The following BCKDHB variants were observed in gnomAD, a reference collection of about 807,000 sequenced individuals.
The protein encoded by BCKDHB is 2-oxoisovalerate dehydrogenase subunit beta, mitochondrial.
In BCKDHB, 41 loss-of-function variants were observed where a neutral mutation model predicts 48.5. That is an observed-to-expected ratio of 0.85 (90% CI 0.66 to 1.10). BCKDHB has a LOEUF of 1.10. Among genes scored for constraint, BCKDHB ranks in the 50% least tolerant of loss-of-function variants. The pLI is 0.00. For synonymous variants in BCKDHB, 201 were observed against 174.8 expected (o/e 1.15, Z -1.18); for missense variants, 496 against 494.2 (o/e 1.00, Z -0.03).
At chr6:80,279,314 C>T (rs1357477938) in intron 9 of BCKDHB, among the ~76,000 whole-genome samples, 1 of 151,936 alleles carries the variant, frequency 6.6e-6, no homozygotes, top group African/African-American at 2.4e-5. Context: ...CTGCCACGCC[C>T]ATCTAATTTT....
chr6:80,351,728 G>A, the BCKDHB span, among the ~76,000 whole-genome samples: 4 of 140,914 alleles, frequency 2.8e-5, no homozygotes, highest in Non-Finnish European at 6.0e-5. Context: ...CTTCAGCCTC[G>A]ACCTCATGGG....
At chr6:80,262,689 A>C (rs999501288) in intron 8 of BCKDHB, among the ~76,000 whole-genome samples, 8 of 152,178 alleles carry the variant, frequency 5.3e-5, no homozygotes, top group African/African-American at 1.9e-4. Flanking sequence ...GAGCAATAGA[A>C]CATTTTCTTT....
chr6:80,384,361 TTTG>T, the BCKDHB span, among the ~76,000 whole-genome samples: 835 of 150,586 alleles, frequency 5.5e-3, 7 homozygotes, highest in African/African-American at 0.02. Flanking sequence ...TTTTTTTTTT[TTTG>T]TTGTTGTTTT....
In BCKDHB at chr6:80,212,977, G is replaced by A. The variant is rs539357999; in HGVS notation, c.951+9765G>A. On this transcript the variant is annotated intron_variant, in intron 8 of 9. Coordinates refer to ENST00000320393, the MANE Select transcript of BCKDHB (RefSeq NM_183050.4). Reference sequence around the variant, plus strand: ...GATCTTTCTTCCAAGTTCTGTGACAGCAGAAATTTTTGTCTTTTGGTTCAA... The same window carrying A: ...GATCTTTCTTCCAAGTTCTGTGACAACAGAAATTTTTGTCTTTTGGTTCAA... Among the ~76,000 whole-genome samples, 3 of 152,216 alleles carry A rather than the reference G, an allele frequency of 2.0e-5. No homozygotes were observed. In the East Asian group the frequency reaches 5.8e-4, roughly 29 times the overall value.
At chr6:80,179,232 T>A (rs1582296602) in intron 6 of BCKDHB, among the ~76,000 whole-genome samples, 1 of 152,212 alleles carries the variant, frequency 6.6e-6, no homozygotes, top group East Asian at 1.9e-4. Context: ...AGAAACTCAA[T>A]TTTTGAGTTT....
intron 8 of BCKDHB, among the ~76,000 whole-genome samples, chr6:80,231,112 A>G (rs1274317962): frequency 2.0e-5 from 3 of 152,236 alleles, no homozygotes; most frequent in African/African-American, 7.2e-5. Flanking sequence ...AATATATGGC[A>G]AGAGTGCTAT....
At position 80,255,214 on chromosome 6, in the gene BCKDHB, C is replaced by T. The variant is rs1235586174; in HGVS notation, c.952-17921C>T. Reference sequence around the variant, plus strand: ...TTGTACTTTTGCTAACAGTGCATTGCACCTCCATAAACTGTAATATGGAAA... The same window carrying T: ...TTGTACTTTTGCTAACAGTGCATTGTACCTCCATAAACTGTAATATGGAAA... On this transcript the variant is annotated intron_variant, in intron 8 of 9. Transcript: ENST00000320393. 2.6e-5 allele frequency among the ~76,000 whole-genome samples: 4 copies of T among 152,130 alleles called. No homozygotes were observed. The South Asian group carries it at 8.3e-4, about 32-fold the overall frequency.
the BCKDHB span, among the ~76,000 whole-genome samples, chr6:80,365,368 G>C: frequency 6.6e-6 from 1 of 152,132 alleles, no homozygotes; most frequent in Non-Finnish European, 1.5e-5. Context: ...CCAGGGTGTA[G>C]CTCAGTCCTT....
At chr6:80,354,666 T>C in the BCKDHB span, among the ~76,000 whole-genome samples, 3 of 152,242 alleles carry the variant, frequency 2.0e-5, no homozygotes, top group African/African-American at 7.2e-5. Flanking sequence ...ACGTTTTTAA[T>C]TCATCTTGAG....
At chr6:80,239,189 A>G (rs1281704490) in intron 8 of BCKDHB, among the ~76,000 whole-genome samples, 3 of 152,190 alleles carry the variant, frequency 2.0e-5, no homozygotes, top group African/African-American at 4.8e-5. Context: ...GTCTTCTACA[A>G]TGGTTGAACT....
At chr6:80,181,492 C>T (rs894088003) in intron 6 of BCKDHB, among the ~76,000 whole-genome samples, 1 of 152,114 alleles carries the variant, frequency 6.6e-6, no homozygotes, top group Non-Finnish European at 1.5e-5. Flanking sequence ...GCATTTAGGC[C>T]GGTCACAGCT....
chr6:80,217,139 G>A (rs950953823), intron 8 of BCKDHB, among the ~76,000 whole-genome samples: 8 of 152,164 alleles, frequency 5.3e-5, no homozygotes, highest in Non-Finnish European at 1.2e-4. Context: ...CTACTCGGGA[G>A]GCTGGGGCAG....
intron 9 of BCKDHB, among the ~76,000 whole-genome samples, chr6:80,331,616 T>C (rs1769319283): frequency 6.6e-6 from 1 of 152,224 alleles, no homozygotes; most frequent in South Asian, 2.1e-4. Context: ...TCATCTATAA[T>C]ACTCATGTAA....
chr6:80,428,778 G>A, the BCKDHB span, among the ~76,000 whole-genome samples: 2 of 151,960 alleles, frequency 1.3e-5, no homozygotes, highest in South Asian at 4.2e-4. Flanking sequence ...TTAGCCCTTT[G>A]TCAGATGGAC....
At chr6:80,263,885 T>C (rs550254395) in intron 8 of BCKDHB, among the ~76,000 whole-genome samples, 101 of 152,242 alleles carry the variant, frequency 6.6e-4, no homozygotes, top group African/African-American at 2.4e-3. Context: ...AGAACTGTTA[T>C]GATGGCCAGA....
chr6:80,259,402 A>G (rs1225371976), intron 8 of BCKDHB, among the ~76,000 whole-genome samples: 2 of 152,200 alleles, frequency 1.3e-5, no homozygotes, highest in Admixed American at 6.5e-5. Flanking sequence ...CCGGGGAGCA[A>G]TAACATTGAA....
intron 3 of BCKDHB, among the ~76,000 whole-genome samples, chr6:80,143,953 G>C (rs1195307773): frequency 6.6e-6 from 1 of 151,982 alleles, no homozygotes; most frequent in African/African-American, 2.4e-5. Context: ...TCTGTTTTCT[G>C]GTCTTTGCCA....
chr6:80,139,282 T>G (rs1457992495), intron 3 of BCKDHB, among the ~76,000 whole-genome samples: 3 of 152,062 alleles, frequency 2.0e-5, no homozygotes, highest in Non-Finnish European at 4.4e-5. Context: ...TAGTTTCTTT[T>G]GCTGTGCAGA....
the BCKDHB span, among the ~76,000 whole-genome samples, chr6:80,464,127 T>TTATTATTATTA: frequency 4.6e-5 from 7 of 151,932 alleles, no homozygotes; most frequent in Non-Finnish European, 1.0e-4. Flanking sequence ...TAAATCTTTA[T>TTATTATTATTA]TATTATTATT....
Sources: allele counts gnomAD v4.1 joint callset (sites outside exome capture counted in the v4.1 genomes callset), GRCh38; gene constraint gnomAD v4.1.1; transcripts MANE v1.5; gene names NCBI Gene and HGNC (gene_info 2026-07-23, HGNC 2026-07-21).